Variants in NCKAP5 observed in about 807,000 individuals in gnomAD.
NCKAP5 encodes nck-associated protein 5.
Under a neutral mutation model 167.0 loss-of-function variants are expected in NCKAP5, and 92 were observed. The ratio of observed to expected loss-of-function variants is 0.55; its 90% CI spans 0.47 to 0.66. NCKAP5 has a LOEUF of 0.66. NCKAP5 is among the 30% of genes least tolerant of loss of function. NCKAP5 has a pLI of 0.00. For synonymous variants in NCKAP5, 891 were observed against 877.4 expected (o/e 1.02, Z -0.27); for missense variants, 2,378 against 2,315.0 (o/e 1.03, Z -0.56).
intron 10 of NCKAP5, among the ~76,000 whole-genome samples, chr2:132,868,278 T>C (rs1690513851): frequency 1.3e-5 from 2 of 152,136 alleles, no homozygotes; most frequent in South Asian, 4.1e-4. Context: ...TAAAATTCAC[T>C]GAAATAGCCA....
intron 12 of NCKAP5, among the ~76,000 whole-genome samples, chr2:132,796,423 T>C (rs1239078472): frequency 6.6e-6 from 1 of 152,200 alleles, no homozygotes; most frequent in Non-Finnish European, 1.5e-5. Context: ...AGATTTATGA[T>C]ATTTTTGCCA....
chr2:132,890,369 C>T (rs1335043881), intron 8 of NCKAP5, among the ~76,000 whole-genome samples: 1 of 151,520 alleles, frequency 6.6e-6, no homozygotes, highest in Non-Finnish European at 1.5e-5. Flanking sequence ...AGGGGGTATA[C>T]AAAGATGGAT....
At chr2:133,382,695 C>G (rs943698431) in intron 3 of NCKAP5, among the ~76,000 whole-genome samples, 1 of 152,176 alleles carries the variant, frequency 6.6e-6, no homozygotes, top group African/African-American at 2.4e-5. Flanking sequence ...CACAGGTAAG[C>G]ATTTACTCTC....
intron 4 of NCKAP5, among the ~76,000 whole-genome samples, chr2:133,244,219 A>C (rs950032267): frequency 2.4e-4 from 36 of 152,296 alleles, no homozygotes; most frequent in African/African-American, 8.7e-4. Context: ...CTTTGTGTAC[A>C]GCTTCCTACT....
chr2:133,086,708 C>T (rs2081004257), intron 6 of NCKAP5, among the ~76,000 whole-genome samples: 1 of 151,906 alleles, frequency 6.6e-6, no homozygotes, highest in African/African-American at 2.4e-5. Flanking sequence ...CTCAAAAATA[C>T]CAGTAGAGAG....
At chr2:133,242,161 A>G (rs994507249) in intron 4 of NCKAP5, among the ~76,000 whole-genome samples, 3 of 151,450 alleles carry the variant, frequency 2.0e-5, no homozygotes, top group African/African-American at 7.3e-5. Context: ...ACCAAGGCAA[A>G]ATAGCTCCAT....
intron 15 of NCKAP5, 139 bp downstream of exon 15, chr2:132,780,913 A>G: frequency 2.1e-6 from 2 of 933,432 alleles, no homozygotes; most frequent in Non-Finnish European, 3.1e-6. Context: ...CTCTCTTTTT[A>G]CAAATCCTTT....
intron 2 of NCKAP5, among the ~76,000 whole-genome samples, chr2:133,520,887 C>A (rs544352416): frequency 6.6e-6 from 1 of 152,158 alleles, no homozygotes; most frequent in Non-Finnish European, 1.5e-5. Flanking sequence ...TGGCAACAAG[C>A]GGTACAGTTA....
chr2:133,388,240 T>C (rs1687139640), intron 3 of NCKAP5, among the ~76,000 whole-genome samples: 1 of 152,214 alleles, frequency 6.6e-6, no homozygotes, highest in Non-Finnish European at 1.5e-5. Flanking sequence ...TCCTTTCTGT[T>C]TGTTAGTTTT....
chr2:133,321,891 T>C (rs1320261313), intron 3 of NCKAP5, among the ~76,000 whole-genome samples: 2 of 152,126 alleles, frequency 1.3e-5, no homozygotes, highest in East Asian at 3.9e-4. Flanking sequence ...TCCAAAACAA[T>C]ATCAATTGAA....
intron 8 of NCKAP5, among the ~76,000 whole-genome samples, chr2:132,913,835 C>T (rs1205910203): frequency 6.6e-6 from 1 of 152,168 alleles, no homozygotes; most frequent in Non-Finnish European, 1.5e-5. Flanking sequence ...AAACTCTTGT[C>T]ATAATTTTCC....
chr2:133,334,108 T>C (rs1042510735), intron 3 of NCKAP5, among the ~76,000 whole-genome samples: 1 of 152,192 alleles, frequency 6.6e-6, no homozygotes, highest in Non-Finnish European at 1.5e-5. Flanking sequence ...AATGGTTATG[T>C]GTGTGGACAC....
chr2:133,553,047 T>C (rs1346852354), intron 2 of NCKAP5, among the ~76,000 whole-genome samples: 3 of 152,198 alleles, frequency 2.0e-5, no homozygotes, highest in Non-Finnish European at 4.4e-5. Flanking sequence ...TATGTACTTA[T>C]TTCCAACCTC....
intron 8 of NCKAP5, among the ~76,000 whole-genome samples, chr2:132,883,335 C>T (rs748577838): frequency 2.0e-5 from 3 of 152,062 alleles, no homozygotes; most frequent in Non-Finnish European, 4.4e-5. Context: ...TAGTTGCATA[C>T]TTCCTACTTT....
intron 11 of NCKAP5, among the ~76,000 whole-genome samples, chr2:132,848,035 G>A (rs1159924759): frequency 6.6e-6 from 1 of 152,136 alleles, no homozygotes; most frequent in Non-Finnish European, 1.5e-5. Context: ...AGATTCATTA[G>A]GAACCTGCTT....
chr2:132,894,989 AC>A (rs1221358162), intron 8 of NCKAP5, among the ~76,000 whole-genome samples: 1 of 151,718 alleles, frequency 6.6e-6, no homozygotes, highest in African/African-American at 2.4e-5. Context: ...GACTTGGGAA[AC>A]CCTTTGACTT....
At chr2:132,911,608 T>A (rs1465086398) in intron 8 of NCKAP5, among the ~76,000 whole-genome samples, 2 of 152,180 alleles carry the variant, frequency 1.3e-5, no homozygotes, top group Non-Finnish European at 2.9e-5. Flanking sequence ...CTACTACAGT[T>A]CAAAAGTCTT....
intron 6 of NCKAP5, among the ~76,000 whole-genome samples, chr2:133,087,876 G>A (rs980900527): frequency 6.6e-6 from 1 of 152,086 alleles, no homozygotes; most frequent in Admixed American, 6.6e-5. Context: ...TCTGTTGCAG[G>A]CACTGTGTTG....
intron 4 of NCKAP5, among the ~76,000 whole-genome samples, chr2:133,226,603 A>AC (rs2086901877): frequency 3.2e-5 from 4 of 125,092 alleles, no homozygotes; most frequent in African/African-American, 9.8e-5. Flanking sequence ...ATTTGAAGAT[A>AC]AACACACACA....
Sources: gnomAD v4.1 joint callset for allele counts (sites outside exome capture counted in the v4.1 genomes callset) on GRCh38, gnomAD v4.1.1 for gene constraint, MANE v1.5 for transcripts, NCBI Gene and HGNC (gene_info 2026-07-23, HGNC 2026-07-21) for gene names.